Variants in C6orf58 observed in about 807,000 individuals in gnomAD.
The protein encoded by C6orf58 is chromosome 6 open reading frame 58.
Under a neutral mutation model 37.0 loss-of-function variants are expected in C6orf58, and 30 were observed. The ratio of observed to expected loss-of-function variants is 0.81; its 90% CI spans 0.61 to 1.10. The LOEUF (loss-of-function observed/expected upper bound fraction) is 1.10. Among genes scored for constraint, C6orf58 ranks in the 50% least tolerant of loss-of-function variants. The pLI is 0.00. For synonymous variants in C6orf58, 143 were observed against 134.1 expected, an observed-to-expected ratio of 1.07 and a Z score of -0.46; for missense variants, 368 against 387.5, an observed-to-expected ratio of 0.95 and a Z score of 0.42.
In C6orf58 at chr6:127,580,261, AC is replaced by A. The variant is rs1257421778; in HGVS notation, c.389-3del. ...TAGTAATAGTAAATCTTTTGTTCTTACAGATTTGAATTATTTTCTGTCTTCA... is the reference window on the plus strand; with the variant it reads ...TAGTAATAGTAAATCTTTTGTTCTTAAGATTTGAATTATTTTCTGTCTTCA... On this transcript the variant is annotated splice_region_variant and splice_polypyrimidine_tract_variant and intron_variant, in intron 2 of 5. Coordinates refer to ENST00000329722, the MANE Select transcript of C6orf58 (RefSeq NM_001010905.3). 1 of 1,604,220 alleles carries A rather than the reference AC, an allele frequency of 6.2e-7. No homozygotes were observed. The highest frequency in any genetic ancestry group is 1.7e-5 in the Admixed American group (1 of 59,534).
At chr6:127,579,711 A>G (rs906933708) in intron 2 of C6orf58, among the ~76,000 whole-genome samples, 10 of 152,110 alleles carry the variant, frequency 6.6e-5, no homozygotes, top group Non-Finnish European at 1.3e-4. Flanking sequence ...GTCATGTTTG[A>G]TTGTCAGTCT....
chr6:127,591,570 T>C lies in C6orf58; in HGVS notation c.941T>C (p.Val314Ala). ...TATCTTTGTACAGAAAAATCTAATG[T>C]ATATAGAGATCATTCGGAATCTAGC... ...IGYLCTEKSN[V>A]YRDHSESSSR... Residue 314 changes from valine to alanine, a missense_variant, in exon 6 of 6, where the codon GTA becomes GCA. Val to Ala is a moderately conservative substitution (Grantham distance 64). Coordinates refer to ENST00000329722, the MANE Select transcript of C6orf58 (RefSeq NM_001010905.3). 3 of 1,527,804 alleles carry C rather than the reference T, an allele frequency of 2.0e-6. No homozygotes were observed. The highest frequency in any genetic ancestry group is 1.3e-5 in the South Asian group (1 of 74,292). The allele number at this position is 1,527,804 out of a possible 1,614,324, so 94.6% of individuals were successfully genotyped here.
chr6:127,580,347 GC>G lies in C6orf58; in HGVS notation c.472del (p.Leu158PhefsTer26). 1 of 1,612,976 alleles carries G rather than the reference GC, an allele frequency of 6.2e-7. No homozygotes were observed. Among genetic ancestry groups the G allele is most frequent in the Non-Finnish European group, 8.5e-7 (1 of 1,179,238 alleles). On this transcript the variant is annotated frameshift_variant, in exon 3 of 6. Coordinates refer to ENST00000329722, the MANE Select transcript of C6orf58 (RefSeq NM_001010905.3). LOFTEE classifies it high-confidence loss of function. Reference sequence around the variant, plus strand: ...TGGGGATATCATCAGACCAAGTCAGGCTTTTGCCCCCACCCAAGAATGAGAG... The same window carrying G: ...TGGGGATATCATCAGACCAAGTCAGGTTTTGCCCCCACCCAAGAATGAGAG... The part of the protein sequence containing the change: ...VMGISSDQVR[L>X]LPPPKNERKF...
chr6:127,588,361 T>G (rs1388661518), intron 4 of C6orf58, among the ~76,000 whole-genome samples: 2 of 152,214 alleles, frequency 1.3e-5, no homozygotes, highest in Non-Finnish European at 2.9e-5. Flanking sequence ...GAAAGTTACA[T>G]AGCAGAAGAC....
At chr6:127,581,935 T>C (rs1172291461) in intron 4 of C6orf58, among the ~76,000 whole-genome samples, 1 of 152,204 alleles carries the variant, frequency 6.6e-6, no homozygotes, top group Non-Finnish European at 1.5e-5. Flanking sequence ...AAAATACTCT[T>C]AAGTTTGGTT....
intron 4 of C6orf58, among the ~76,000 whole-genome samples, chr6:127,589,593 G>A (rs918317412): frequency 6.6e-6 from 1 of 152,046 alleles, no homozygotes; most frequent in Non-Finnish European, 1.5e-5. Flanking sequence ...TTTTCTACCT[G>A]AGGCTTCCTG....
intron 4 of C6orf58, among the ~76,000 whole-genome samples, chr6:127,582,954 C>T (rs1301291190): frequency 2.6e-5 from 4 of 152,108 alleles, no homozygotes; most frequent in South Asian, 2.1e-4. Flanking sequence ...ATGCCTTGTG[C>T]GTTATGAGTC....
rs144572400 is a variant in C6orf58, at chr6:127,577,487, G to A, written c.301+1G>A. On this transcript the variant is annotated splice_donor_variant, in intron 1 of 5. Transcript: ENST00000329722. LOFTEE classifies it high-confidence loss of function. Reference sequence around the variant, plus strand: ...CAGTATGGCTGGCAATATAGGACAGGTAAGAATGACTCTTGTTTTCATTGT... The same window carrying A: ...CAGTATGGCTGGCAATATAGGACAGATAAGAATGACTCTTGTTTTCATTGT... 1.4e-5 allele frequency: 22 copies of A among 1,612,618 alleles called. No individual in the cohort carries two copies. Among genetic ancestry groups the A allele is most frequent in the Non-Finnish European group, 1.7e-5 (20 of 1,179,088 alleles).
Position 127,581,167 on chromosome 6 carries a change from A to C in C6orf58, c.574-15A>C. The C allele has an allele frequency of 8.1e-7, 1 of 1,236,084 alleles. No homozygotes were observed. Among genetic ancestry groups the C allele is most frequent in the Non-Finnish European group, 1.1e-6 (1 of 897,372 alleles). 76.6% of individuals were successfully genotyped at this position (1,236,084 alleles called of 1,614,324 possible). ...AGTTGCTCAAATATTAATAAATTTG[A>C]CCTCTTTACCTTAGTATTTGCAGTC... On this transcript the variant is annotated splice_polypyrimidine_tract_variant and intron_variant, in intron 3 of 5. Transcript: ENST00000329722.
chr6:127,581,345 A>G (rs1204451252), intron 4 of C6orf58, 63 bp downstream of exon 4: 2 of 674,000 alleles, frequency 3.0e-6, no homozygotes, highest in East Asian at 3.2e-5. Context: ...CATTATTTAT[A>G]TATTTTTCTT....
chr6:127,578,706 C>G lies in C6orf58; in HGVS notation c.322C>G (p.Arg108Gly). ...YRTGRLADPT[R>G]RTNCGYESGD... ...TCCAGGCAGATTAGCTGATCCAACC[C>G]GAAGGACAAACTGTGGCTATGAATC... The change falls in exon 2 of 6, where the codon CGA becomes GGA. Residue 108 changes from arginine to glycine, a missense_variant. Transcript: ENST00000329722. 1 of 1,612,334 alleles carries G rather than the reference C, an allele frequency of 6.2e-7. No individual in the cohort carries two copies. Among genetic ancestry groups the G allele is most frequent in the Non-Finnish European group, 8.5e-7 (1 of 1,178,814 alleles).
Position 127,577,326 on chromosome 6 carries a change from C to A in C6orf58, c.141C>A (p.Asn47Lys). 1.2e-6 allele frequency: 2 copies of A among 1,613,608 alleles called. No individual in the cohort carries two copies. Among genetic ancestry groups the A allele is most frequent in the Non-Finnish European group, 1.7e-6 (2 of 1,179,634 alleles). ...AGCTCAGTGACTACAGGGTGGAGAACAGCATGTACATTATTAATCCCTGGG... is the reference window on the plus strand; with the variant it reads ...AGCTCAGTGACTACAGGGTGGAGAAAAGCATGTACATTATTAATCCCTGGG... ...PGQLSDYRVE[N>K]SMYIINPWVY... The change falls in exon 1 of 6, where the codon AAC becomes AAA. Residue 47 changes from asparagine to lysine, a missense_variant. By Grantham distance (94) the Asn-to-Lys change is moderately conservative. Transcript: ENST00000329722.
intron 1 of C6orf58, among the ~76,000 whole-genome samples, chr6:127,577,837 A>G (rs1775006860): frequency 6.6e-6 from 1 of 152,180 alleles, no homozygotes; most frequent in African/African-American, 2.4e-5. Flanking sequence ...TCAAGGGGAT[A>G]TACAAAGTGA....
intron 4 of C6orf58, 31 bp from the exon 5 acceptor site, chr6:127,590,056 A>G: frequency 6.7e-7 from 1 of 1,488,410 alleles, no homozygotes; most frequent in South Asian, 1.2e-5. Flanking sequence ...GTGACTAATT[A>G]TAATTAAATA....
In C6orf58 at chr6:127,577,344, T is replaced by A. The variant is rs1157691700; in HGVS notation, c.159T>A (p.Asn53Lys). The A allele has an allele frequency of 1.2e-6, 2 of 1,613,682 alleles. No homozygotes were observed. Among genetic ancestry groups the A allele is most frequent in the Admixed American group, 1.7e-5 (1 of 59,962 alleles). The change falls in exon 1 of 6, where the codon AAT (asparagine) becomes AAA (lysine). Residue 53 changes from asparagine (N) to lysine (K), a missense_variant. Asn to Lys is a moderately conservative substitution (Grantham distance 94). Transcript: ENST00000329722. ...YRVENSMYII[N>K]PWVYLERMGM... is the part of the protein sequence containing the mutation. ...TGGAGAACAGCATGTACATTATTAA[T>A]CCCTGGGTATACCTTGAGAGAATGG...
intron 2 of C6orf58, among the ~76,000 whole-genome samples, chr6:127,579,523 G>T (rs1775025423): frequency 6.6e-6 from 1 of 152,046 alleles, no homozygotes. Flanking sequence ...TAGTTTGGAG[G>T]ATTAGCCTGC....
At chr6:127,589,353 A>T (rs532224177) in intron 4 of C6orf58, among the ~76,000 whole-genome samples, 1 of 152,218 alleles carries the variant, frequency 6.6e-6, no homozygotes, top group East Asian at 1.9e-4. Context: ...AGGGAGAACA[A>T]GTCTGTTTGC....
chr6:127,587,376 T>A (rs1533187), intron 4 of C6orf58, among the ~76,000 whole-genome samples: 27,726 of 152,120 alleles, frequency 0.18, 4,067 homozygotes, highest in African/African-American at 0.4. Context: ...AAGCTAAAAA[T>A]ACATGTTTTC....
rs752854743 is a variant in C6orf58, at chr6:127,580,450, G to T, written c.573+1G>T. Reference sequence around the variant, plus strand: ...GAACAAGTGGAACACCTTTTACCAGGTTCCTTCTTTATACTCTTACGAGAT... The same window carrying T: ...GAACAAGTGGAACACCTTTTACCAGTTTCCTTCTTTATACTCTTACGAGAT... On this transcript the variant is annotated splice_donor_variant, in intron 3 of 5. Transcript: ENST00000329722. LOFTEE classifies it high-confidence loss of function. The T allele has an allele frequency of 6.8e-6, 11 of 1,608,780 alleles. No homozygotes were observed. The highest frequency in any genetic ancestry group is 6.6e-5 in the South Asian group (6 of 90,762).
Sources: gnomAD v4.1 joint callset for allele counts (sites outside exome capture counted in the v4.1 genomes callset) on GRCh38, gnomAD v4.1.1 for gene constraint, MANE v1.5 for transcripts, NCBI Gene and HGNC (gene_info 2026-07-23, HGNC 2026-07-21) for gene names.